The following TBC1D26 variants were observed in gnomAD, a reference collection of about 807,000 sequenced individuals.
The protein encoded by TBC1D26 is TBC1 domain family, member 26.
Under a neutral mutation model 42.5 loss-of-function variants are expected in TBC1D26, and 19 were observed. The observed-to-expected ratio is 0.45, with a 90% CI of 0.31 to 0.66. The LOEUF (loss-of-function observed/expected upper bound fraction) is 0.66, where lower values mean the gene tolerates loss of function less well. Among genes scored for constraint, TBC1D26 ranks in the 30% least tolerant of loss-of-function variants. The pLI is 0.06. For missense variants in TBC1D26, 228 were observed against 332.6 expected, an observed-to-expected ratio of 0.69 and a Z score of 2.45; for synonymous variants, 97 against 123.5, an observed-to-expected ratio of 0.79 and a Z score of 1.42.
At chr17:15,741,886 T>G in intron 10 of TBC1D26, 56 bp from the exon 11 acceptor site, 1 of 1,573,310 alleles carries the variant, frequency 6.4e-7, no homozygotes. Context: ...TTCCAGCTGA[T>G]GCCTCCACAT....
At chr17:15,739,493 G>A (rs574781139) in intron 8 of TBC1D26, among the ~76,000 whole-genome samples, 26 of 152,400 alleles carry the variant, frequency 1.7e-4, no homozygotes, top group Admixed American at 5.2e-4. Context: ...AGACAGAGGC[G>A]ACTCAGTGAG....
At chr17:15,737,351 CT>C (rs1967643846) in intron 4 of TBC1D26, 132 bp from the exon 5 acceptor site, 1 of 1,194,304 alleles carries the variant, frequency 8.4e-7, no homozygotes, top group Admixed American at 2.6e-5. Context: ...CCTTGCCTTC[CT>C]TCTCTGTGCC....
chr17:15,739,805 C>T (rs1429741196), intron 8 of TBC1D26, among the ~76,000 whole-genome samples: 3 of 152,256 alleles, frequency 2.0e-5, no homozygotes, highest in Non-Finnish European at 4.4e-5. Context: ...TGGAACTGCA[C>T]GTCCCAAAGA....
At chr17:15,735,295 G>A in intron 2 of TBC1D26, 53 bp from the exon 3 acceptor site, 1 of 1,461,062 alleles carries the variant, frequency 6.8e-7, no homozygotes, top group East Asian at 2.3e-5. Context: ...TGGTTTGGCT[G>A]TTCTCTGGAG....
chr17:15,733,407 G>A (rs1239005457), intron 1 of TBC1D26, among the ~76,000 whole-genome samples: 2 of 152,002 alleles, frequency 1.3e-5, no homozygotes, highest in East Asian at 3.9e-4. Context: ...CTCACACCCA[G>A]CATTTTACAG....
In TBC1D26 at chr17:15,741,947, T is replaced by C. The variant is rs75518324; in HGVS notation, c.652T>C (p.Tyr218His). 9 of 1,614,004 alleles carry C rather than the reference T, an allele frequency of 5.6e-6. No homozygotes were observed. The highest frequency in any genetic ancestry group is 7.6e-6 in the Non-Finnish European group (9 of 1,179,958). ...WALTQLLAVF[Y>H]SPNTAWLERL... ...ATGGGTCGCGGGCTTCTCAGTATTC[T>C]ACAGCCCAAATACTGCCTGGCTCGA... The change falls in exon 11 of 15, where the codon TAC (tyrosine) becomes CAC (histidine). Residue 218 changes from tyrosine (Y) to histidine (H), a missense_variant. Tyr to His is a moderately conservative substitution (Grantham distance 83). Around this residue, in one of 5 missense-constraint regions of TBC1D26, gnomAD observed 130 missense variants for 168.5 expected, o/e 0.77. Coordinates refer to ENST00000437605, the MANE Select transcript of TBC1D26 (RefSeq NM_001388465.1).
intron 11 of TBC1D26, 80 bp downstream of exon 11, chr17:15,742,116 C>A: frequency 2.4e-6 from 3 of 1,244,114 alleles, no homozygotes; most frequent in South Asian, 1.3e-5. Context: ...CCTCATGGGG[C>A]TGGCAAGAGG....
intron 14 of TBC1D26, among the ~76,000 whole-genome samples, chr17:15,743,969 G>A (rs138216118): frequency 6.6e-6 from 1 of 151,956 alleles, no homozygotes; most frequent in Non-Finnish European, 1.5e-5. Flanking sequence ...TAAAAGAAAA[G>A]TCAGATAACA....
chr17:15,737,952 A>C, intron 5 of TBC1D26, 45 bp from the exon 6 acceptor site: 1 of 1,613,750 alleles, frequency 6.2e-7, no homozygotes, highest in Non-Finnish European at 8.5e-7. Flanking sequence ...GGCCACTGTC[A>C]GACGCCTGGC....
At chr17:15,740,542 T>C (rs1197725468) in intron 9 of TBC1D26, 1 of 1,177,512 alleles carries the variant, frequency 8.5e-7, no homozygotes, top group Non-Finnish European at 1.1e-6. Flanking sequence ...AAGGATCCAA[T>C]TTCCCCTTTG....
rs11429009 is a variant in TBC1D26 at position 15,740,068 on chromosome 17, A to ACAC, written c.498-32_498-31insCAC. On this transcript the variant is annotated intron_variant, in intron 8 of 14. Coordinates refer to ENST00000437605, the MANE Select transcript of TBC1D26 (RefSeq NM_001388465.1). ...AAATTGACAGCGTCTGCACACACAC[A>ACAC]AAAAAAAAACCCTCTTTCCCCTCTT... 2.2e-5 allele frequency: 18 copies of ACAC among 818,560 alleles called. No homozygotes were observed. In the South Asian group the frequency reaches 3.2e-4, roughly 15 times the overall value. The allele number at this position is 818,560 out of a possible 1,614,324, so 50.7% of individuals were successfully genotyped here. A position where few individuals can be genotyped will look rare whatever the true frequency, so the allele number is the denominator to read the frequency against.
intron 10 of TBC1D26, chr17:15,741,543 G>T: frequency 4.3e-6 from 2 of 468,230 alleles, no homozygotes; most frequent in Admixed American, 3.6e-5. Context: ...GTGTCTTCCT[G>T]CCTCCCAGCT....
chr17:15,738,124 A>G, intron 6 of TBC1D26, 47 bp downstream of exon 6: 1 of 1,613,876 alleles, frequency 6.2e-7, no homozygotes. Flanking sequence ...CTGCAGAGCC[A>G]GGAGACAGGC....
rs373600282 is a variant in TBC1D26, at chr17:15,741,202, G to A, written c.627G>A (p.Ala209=). 1.5e-5 allele frequency: 25 copies of A among 1,613,574 alleles called. No individual in the cohort carries two copies. The East Asian group carries it at 4.0e-4, about 26-fold the overall frequency. The part of the protein sequence containing the change: ...LCLPEEDAFW[A]LTQLLAVFYS... The stretch of plus-strand genomic sequence containing the variant: ...TGCCAGAGGAAGATGCTTTCTGGGC[G>A]CTTACCCAGTTGCTCGCTGGTGAGA... Residue 209 remains alanine (A), a synonymous_variant, in exon 10 of 15, where the codon GCG becomes GCA. Transcript: ENST00000437605.
In TBC1D26 at chr17:15,741,994, G is replaced by A. The variant is rs1967799636; in HGVS notation, c.699G>A (p.Glu233=). The change falls in exon 11 of 15, where the codon GAG becomes GAA. Residue 233 remains glutamate (E), a synonymous_variant. Coordinates refer to ENST00000437605, the MANE Select transcript of TBC1D26 (RefSeq NM_001388465.1). ...TCGAGAGGCTCCTATCGCACCAGGA[G>A]CAGGTGCTGCACAAGTCCTTCCCAA... The part of the protein sequence containing the change: ...AWLERLLSHQ[E]QVLHKSFPKI... 21 of 1,614,112 alleles carry A rather than the reference G, an allele frequency of 1.3e-5. No individual in the cohort carries two copies. The highest frequency in any genetic ancestry group is 1.7e-5 in the Non-Finnish European group (20 of 1,180,006).
At chr17:15,741,792 C>T in intron 10 of TBC1D26, 150 bp from the exon 11 acceptor site, 1 of 706,380 alleles carries the variant, frequency 1.4e-6, no homozygotes, top group Non-Finnish European at 2.3e-6. Flanking sequence ...GGACCTCCTC[C>T]CCAGGGCTGA....
At chr17:15,741,363 G>T (rs954275873) in intron 10 of TBC1D26, 142 bp downstream of exon 10, 229 of 1,476,862 alleles carry the variant, frequency 1.6e-4, no homozygotes, top group Non-Finnish European at 1.9e-4. Context: ...GGAGCCTCCA[G>T]GATGTCCCTG....
At chr17:15,740,454 A>G in intron 9 of TBC1D26, 1 of 1,350,060 alleles carries the variant, frequency 7.4e-7, no homozygotes. Flanking sequence ...CAAGTTGCTG[A>G]GGTGCCTGAT....
At position 15,741,967 on chromosome 17, in the gene TBC1D26, G is replaced by C. The variant is rs192774848; in HGVS notation, c.672G>C (p.Trp224Cys). ...TATTCTACAGCCCAAATACTGCCTG[G>C]CTCGAGAGGCTCCTATCGCACCAGG... Reference protein sequence around the residue: ...LAVFYSPNTAWLERLLSHQEQ... With the variant: ...LAVFYSPNTACLERLLSHQEQ... Residue 224 changes from tryptophan to cysteine, a missense_variant, in exon 11 of 15, where the codon TGG becomes TGC. Trp to Cys is a radical substitution (Grantham distance 215). This residue lies in a region of TBC1D26 where 130 missense variants were observed against 168.5 expected (regional missense o/e 0.77). Coordinates refer to ENST00000437605, the MANE Select transcript of TBC1D26 (RefSeq NM_001388465.1). The C allele has an allele frequency of 3.5e-5, 57 of 1,614,070 alleles. 1 individual carries two copies. The East Asian group carries it at 1.0e-3, about 28-fold the overall frequency.
Sources: gnomAD v4.1 joint callset for allele counts (sites outside exome capture counted in the v4.1 genomes callset) on GRCh38, gnomAD v4.1.1 for gene constraint, gnomAD v4.1.1 regional missense constraint, MANE v1.5 for transcripts, NCBI Gene and HGNC (gene_info 2026-07-23, HGNC 2026-07-21) for gene names.